RGS7: variants seen among roughly 807,000 people sequenced by gnomAD.
RGS7 encodes regulator of G-protein signaling 7.
A neutral mutation model predicts 81.1 loss-of-function variants in RGS7; 27 were observed. The ratio of observed to expected loss-of-function variants is 0.33; its 90% confidence interval spans 0.25 to 0.46. The LOEUF (loss-of-function observed/expected upper bound fraction) is 0.46, where lower values mean the gene tolerates loss of function less well. RGS7 is among the 20% of genes least tolerant of loss of function. RGS7 has a pLI of 1.00. For synonymous variants in RGS7, 208 were observed against 207.7 expected, an observed-to-expected ratio of 1.00 and a Z score of -0.01; for missense variants, 396 against 607.4, an observed-to-expected ratio of 0.65 and a Z score of 3.66.
Position 241,003,209 on chromosome 1 carries a change from C to T in RGS7, c.176-20080G>A, listed in dbSNP as rs555326395. On this transcript the variant is annotated intron_variant, in intron 3 of 18. Transcript: ENST00000440928. ...GGGCGCAGTGGCTCACGCCTGTAAT[C>T]CCAGCACTTTGGGAGGCCAAGGCAG... Among the ~76,000 whole-genome samples, 310 of 152,210 alleles carry T rather than the reference C, an allele frequency of 2.0e-3. 1 individual carries two copies. Among genetic ancestry groups the T allele is most frequent in the African/African-American group, 7.2e-3 (300 of 41,536 alleles).
chr1:240,933,446 A>T (rs1431703863), intron 5 of RGS7, among the ~76,000 whole-genome samples: 1 of 152,040 alleles, frequency 6.6e-6, no homozygotes, highest in East Asian at 1.9e-4. Context: ...ATTAAAGCAT[A>T]AAGTAATTTT....
At chr1:240,807,408 A>G (rs1287543747) in intron 14 of RGS7, among the ~76,000 whole-genome samples, 1 of 152,222 alleles carries the variant, frequency 6.6e-6, no homozygotes, top group African/African-American at 2.4e-5. Flanking sequence ...AGAGGGCCAC[A>G]GAGACAGCAA....
At chr1:241,159,653 G>A (rs1003807690) in intron 2 of RGS7, among the ~76,000 whole-genome samples, 12 of 152,012 alleles carry the variant, frequency 7.9e-5, no homozygotes, top group East Asian at 1.9e-4. Context: ...TTATGGGACC[G>A]AAGAAGAAGA....
rs147295658 is a variant in RGS7, at chr1:240,908,702, T to C, written c.385+22015A>G. Among the ~76,000 whole-genome samples, 866 of 152,318 alleles carry C rather than the reference T, an allele frequency of 5.7e-3. 11 individuals carry two copies. Among genetic ancestry groups the C allele is most frequent in the African/African-American group, 0.02 (819 of 41,566 alleles). Reference sequence around the variant, plus strand: ...AATTATTATCCTCTAAGTGCTTCTATTGTCACTTGAAAAAGGTACCTGCTT... The same window carrying C: ...AATTATTATCCTCTAAGTGCTTCTACTGTCACTTGAAAAAGGTACCTGCTT... On this transcript the variant is annotated intron_variant, in intron 6 of 18. Transcript: ENST00000440928.
At chr1:241,063,235 A>G (rs2061841358) in intron 3 of RGS7, among the ~76,000 whole-genome samples, 1 of 152,232 alleles carries the variant, frequency 6.6e-6, no homozygotes, top group South Asian at 2.1e-4. Flanking sequence ...AAGCAAAAAG[A>G]AAAATAGGAG....
intron 2 of RGS7, among the ~76,000 whole-genome samples, chr1:241,311,789 A>G (rs1326061739): frequency 6.6e-6 from 1 of 152,244 alleles, no homozygotes; most frequent in African/African-American, 2.4e-5. Context: ...TGAGCATTAT[A>G]GCAGAACTGA....
chr1:240,855,604 T>C (rs1660964399), intron 9 of RGS7, among the ~76,000 whole-genome samples: 1 of 152,012 alleles, frequency 6.6e-6, no homozygotes, highest in Non-Finnish European at 1.5e-5. Context: ...CATTTTGAGT[T>C]ATACAATATA....
At chr1:240,905,103 T>C (rs1670613461) in intron 6 of RGS7, among the ~76,000 whole-genome samples, 2 of 152,292 alleles carry the variant, frequency 1.3e-5, no homozygotes, top group South Asian at 2.1e-4. Flanking sequence ...CCAATGAATA[T>C]ATTTTAAGAC....
At chr1:240,914,532 C>T (rs894933463) in intron 6 of RGS7, among the ~76,000 whole-genome samples, 5 of 152,128 alleles carry the variant, frequency 3.3e-5, no homozygotes, top group African/African-American at 1.2e-4. Flanking sequence ...AAACAACCAA[C>T]TTTAAGTATC....
chr1:241,244,452 A>G, intron 2 of RGS7, among the ~76,000 whole-genome samples: 1 of 152,156 alleles, frequency 6.6e-6, no homozygotes, highest in Admixed American at 6.5e-5. Flanking sequence ...AAAGTCAGGA[A>G]ACAACAGGTG....
At chr1:240,878,680 C>A (rs927207296) in intron 6 of RGS7, among the ~76,000 whole-genome samples, 1 of 151,906 alleles carries the variant, frequency 6.6e-6, no homozygotes, top group African/African-American at 2.4e-5. Context: ...CTAAACAATG[C>A]AGAAAATATT....
chr1:240,842,657 T>C (rs1658279562), intron 9 of RGS7, among the ~76,000 whole-genome samples: 1 of 152,080 alleles, frequency 6.6e-6, no homozygotes, highest in Non-Finnish European at 1.5e-5. Context: ...AGGGTAAGTG[T>C]GGAGGCAAGA....
intron 3 of RGS7, among the ~76,000 whole-genome samples, chr1:240,985,084 C>G (rs1263086804): frequency 6.6e-6 from 1 of 152,168 alleles, no homozygotes; most frequent in African/African-American, 2.4e-5. Context: ...TTGACCGTGT[C>G]CCGGTGTTGT....
chr1:240,999,548 T>C (rs569108962), intron 3 of RGS7, among the ~76,000 whole-genome samples: 6 of 152,316 alleles, frequency 3.9e-5, no homozygotes, highest in Non-Finnish European at 7.3e-5. Context: ...TATTGATATA[T>C]ATATTTTTTC....
intron 2 of RGS7, among the ~76,000 whole-genome samples, chr1:241,352,552 C>T (rs908900975): frequency 9.2e-5 from 14 of 152,166 alleles, no homozygotes; most frequent in African/African-American, 3.4e-4. Flanking sequence ...CTGAGATTCC[C>T]TGTATTATGC....
At chr1:241,237,744 T>C (rs1328556614) in intron 2 of RGS7, among the ~76,000 whole-genome samples, 1 of 152,150 alleles carries the variant, frequency 6.6e-6, no homozygotes, top group African/African-American at 2.4e-5. Flanking sequence ...TGCAGTGCAC[T>C]TCTGAATATT....
At chr1:240,876,850 C>T (rs568024469) in intron 6 of RGS7, among the ~76,000 whole-genome samples, 1 of 152,094 alleles carries the variant, frequency 6.6e-6, no homozygotes, top group South Asian at 2.1e-4. Flanking sequence ...AATCCCAGCT[C>T]CTTGGGAGGC....
chr1:241,169,336 C>CTTTTTTTTTTTTTTTTTTTTTTTTTTT (rs57753661), intron 2 of RGS7, among the ~76,000 whole-genome samples: 2 of 74,274 alleles, frequency 2.7e-5, no homozygotes, highest in Non-Finnish European at 2.4e-5. Context: ...ATGTGTGTTT[C>CTTTTTTTTTTTTTTTTTTTTTTTTTTT]TTTTTTTTTT....
At chr1:241,261,584 G>A (rs572103435) in intron 2 of RGS7, among the ~76,000 whole-genome samples, 5 of 148,400 alleles carry the variant, frequency 3.4e-5, no homozygotes, top group African/African-American at 1.0e-4. Flanking sequence ...AGCCGAGATC[G>A]TGCCATTGCA....
Sources: gnomAD v4.1 joint callset for allele counts (sites outside exome capture counted in the v4.1 genomes callset) on GRCh38, gnomAD v4.1.1 for gene constraint, MANE v1.5 for transcripts, NCBI Gene and HGNC (gene_info 2026-07-23, HGNC 2026-07-21) for gene names.